Variants in CDH10 observed in about 807,000 individuals in gnomAD.
CDH10 encodes cadherin-10.
Under a neutral mutation model 73.1 loss-of-function variants are expected in CDH10, and 30 were observed. The ratio of observed to expected loss-of-function variants is 0.41; its 90% CI spans 0.31 to 0.56. CDH10 has a LOEUF of 0.56. Ranked by LOEUF, CDH10 falls within the 20% of genes least tolerant of loss-of-function variation. CDH10 has a pLI of 0.27. For missense variants in CDH10, 815 were observed against 973.7 expected, an observed-to-expected ratio of 0.84 and a Z score of 2.17; for synonymous variants, 345 against 348.2, an observed-to-expected ratio of 0.99 and a Z score of 0.10.
chr5:24,576,951 T>G (rs1019135458), intron 2 of CDH10, among the ~76,000 whole-genome samples: 9 of 151,560 alleles, frequency 5.9e-5, no homozygotes, highest in Admixed American at 5.9e-4. Context: ...CATTTTTACC[T>G]CAGTGGTCTT....
At chr5:24,536,795 T>C (rs1192748579) in intron 3 of CDH10, among the ~76,000 whole-genome samples, 1 of 152,022 alleles carries the variant, frequency 6.6e-6, no homozygotes, top group Non-Finnish European at 1.5e-5. Context: ...AGTATGTATT[T>C]AACCATAGGT....
chr5:24,555,630 T>A (rs1744738479), intron 2 of CDH10, among the ~76,000 whole-genome samples: 1 of 152,138 alleles, frequency 6.6e-6, no homozygotes, highest in Non-Finnish European at 1.5e-5. Flanking sequence ...CAAGAGAACC[T>A]GTAGCTTAAT....
At chr5:24,603,559 A>T (rs1350543066) in intron 1 of CDH10, among the ~76,000 whole-genome samples, 2 of 152,150 alleles carry the variant, frequency 1.3e-5, no homozygotes, top group Non-Finnish European at 2.9e-5. Flanking sequence ...ATATCAACAG[A>T]TTTTTTAAAA....
At chr5:24,582,163 T>C (rs1745825600) in intron 2 of CDH10, among the ~76,000 whole-genome samples, 3 of 152,110 alleles carry the variant, frequency 2.0e-5, no homozygotes, top group South Asian at 2.1e-4. Context: ...AGGAGCATTA[T>C]TGGTAACAGT....
chr5:24,629,965 T>C (rs143225650), intron 1 of CDH10, among the ~76,000 whole-genome samples: 1 of 152,268 alleles, frequency 6.6e-6, no homozygotes, highest in East Asian at 1.9e-4. Context: ...TTACTCAATG[T>C]TAGTATACCT....
chr5:24,504,535 T>TG (rs1742622585), intron 8 of CDH10, among the ~76,000 whole-genome samples: 6 of 77,584 alleles, frequency 7.7e-5, no homozygotes, highest in African/African-American at 2.6e-4. Flanking sequence ...TTTTTTTTTT[T>TG]TTTTTTTTAA....
At chr5:24,527,226 T>A (rs1245473396) in intron 5 of CDH10, among the ~76,000 whole-genome samples, 2 of 148,428 alleles carry the variant, frequency 1.3e-5, no homozygotes, top group Non-Finnish European at 3.0e-5. Flanking sequence ...TAAGTATATA[T>A]AGTCATATAT....
chr5:24,635,792 G>A (rs1747848875), intron 1 of CDH10, among the ~76,000 whole-genome samples: 1 of 151,796 alleles, frequency 6.6e-6, no homozygotes, highest in South Asian at 2.1e-4. Flanking sequence ...ATAGACTTAT[G>A]AGCCCTTTCC....
intron 4 of CDH10, among the ~76,000 whole-genome samples, 176 bp from the exon 5 acceptor site, chr5:24,535,455 G>A (rs1457187491): frequency 1.3e-5 from 2 of 151,984 alleles, no homozygotes; most frequent in Non-Finnish European, 2.9e-5. Context: ...TTTGTATTGT[G>A]TTACCCTTTC....
chr5:24,531,622 A>G (rs1184410568), intron 5 of CDH10, among the ~76,000 whole-genome samples: 1 of 152,026 alleles, frequency 6.6e-6, no homozygotes, highest in Admixed American at 6.6e-5. Flanking sequence ...TTATAATACC[A>G]TCGGATCTCA....
chr5:24,514,616 T>G (rs1398621696), intron 5 of CDH10, among the ~76,000 whole-genome samples: 1 of 152,148 alleles, frequency 6.6e-6, no homozygotes, highest in African/African-American at 2.4e-5. Context: ...AGGTGACCTT[T>G]CTAAAATACA....
chr5:24,498,892 A>G (rs1211759946), intron 8 of CDH10, among the ~76,000 whole-genome samples: 3 of 152,072 alleles, frequency 2.0e-5, no homozygotes, highest in African/African-American at 7.2e-5. Flanking sequence ...CCTTTTTTGG[A>G]TGAAGAAATA....
At chr5:24,502,764 T>C (rs1742544541) in intron 8 of CDH10, among the ~76,000 whole-genome samples, 1 of 152,114 alleles carries the variant, frequency 6.6e-6, no homozygotes, top group Admixed American at 6.5e-5. Context: ...TGAATAAGGA[T>C]ATTGAATCAA....
intron 8 of CDH10, among the ~76,000 whole-genome samples, chr5:24,501,290 T>C (rs922662104): frequency 6.6e-6 from 1 of 152,060 alleles, no homozygotes; most frequent in African/African-American, 2.4e-5. Context: ...TTCTCCAGGG[T>C]CTTTACAAAT....
At chr5:24,498,299 T>C in intron 9 of CDH10, 99 bp downstream of exon 9, 1 of 704,720 alleles carries the variant, frequency 1.4e-6, no homozygotes, top group East Asian at 2.6e-5. Flanking sequence ...TATATGAGTA[T>C]TTCCATCTCT....
chr5:24,538,605 G>T lies in CDH10; in HGVS notation c.232-931C>A, dbSNP rs547554720. Among the ~76,000 whole-genome samples the T allele has an allele frequency of 2.0e-5, 3 of 152,208 alleles. No homozygotes were observed. The South Asian group carries it at 6.2e-4, about 32-fold the overall frequency. Reference sequence around the variant, plus strand: ...CCATCTAGGTTATTTTTCAACAGATGCCCTTAAGGCTAGCCAACAGGCTTA... The same window carrying T: ...CCATCTAGGTTATTTTTCAACAGATTCCCTTAAGGCTAGCCAACAGGCTTA... On this transcript the variant is annotated intron_variant, in intron 2 of 11. Transcript: ENST00000264463.
At chr5:24,641,314 T>C (rs1277417724) in intron 1 of CDH10, among the ~76,000 whole-genome samples, 2 of 151,892 alleles carry the variant, frequency 1.3e-5, no homozygotes, top group Admixed American at 6.6e-5. Context: ...GCTTGGTAAT[T>C]GTTTGAAATT....
In CDH10 at chr5:24,603,934, A is replaced by AG. The variant is rs562729084; in HGVS notation, c.-123-10322dup. Among the ~76,000 whole-genome samples, 5 of 152,352 alleles carry AG rather than the reference A, an allele frequency of 3.3e-5. No individual in the cohort carries two copies. In the South Asian group the frequency reaches 1.0e-3, roughly 32 times the overall value. ...TCCTGAACATGGAACATCCCAGAGA[A>AG]GTTACATTAAAAGCTACCAATCTAA... is the stretch of plus-strand genomic sequence containing the variant. On this transcript the variant is annotated intron_variant, in intron 1 of 11. Coordinates refer to ENST00000264463, the MANE Select transcript of CDH10 (RefSeq NM_006727.5).
chr5:24,548,913 G>A (rs754580383), intron 2 of CDH10, among the ~76,000 whole-genome samples: 19 of 151,950 alleles, frequency 1.3e-4, no homozygotes, highest in Admixed American at 2.6e-4. Context: ...AGCAAACAAG[G>A]CTGAAAAATA....
Sources: gnomAD v4.1 joint callset for allele counts (sites outside exome capture counted in the v4.1 genomes callset) on GRCh38, gnomAD v4.1.1 for gene constraint, MANE v1.5 for transcripts, NCBI Gene and HGNC (gene_info 2026-07-23, HGNC 2026-07-21) for gene names.